CATSPERD: variants seen among roughly 807,000 people sequenced by gnomAD.
The protein encoded by CATSPERD is cation channel sperm-associated auxiliary subunit delta.
A neutral mutation model predicts 98.1 loss-of-function variants in CATSPERD; 86 were observed. The ratio of observed to expected loss-of-function variants is 0.88; its 90% CI spans 0.74 to 1.05. CATSPERD has a LOEUF of 1.05. Among genes scored for constraint, CATSPERD ranks in the 50% least tolerant of loss-of-function variants. The probability of loss-of-function intolerance (pLI) is 0.00; values close to 1 mark genes in which losing one functional copy is unlikely to be tolerated. For synonymous variants in CATSPERD, 394 were observed against 390.2 expected (o/e 1.01, Z -0.12); for missense variants, 995 against 1,005.7 (o/e 0.99, Z 0.14).
In CATSPERD at chr19:5,770,909, C is replaced by T. The variant is rs147196086; in HGVS notation, c.1635-35C>T. 12,094 of 1,572,550 alleles carry T rather than the reference C, an allele frequency of 7.7e-3. 62 individuals carry two copies. The highest frequency in any genetic ancestry group is 9.6e-3 in the Non-Finnish European group (11,203 of 1,161,432). The stretch of plus-strand genomic sequence containing the variant: ...GGTTGGCAGACTGGGCAGGAACTCA[C>T]AGACTCCCCATCTCTGCTTCTTGGT... On this transcript the variant is annotated intron_variant, in intron 18 of 21. Transcript: ENST00000381624.
intron 20 of CATSPERD, among the ~76,000 whole-genome samples, chr19:5,774,293 C>G (rs1415467138): frequency 6.6e-6 from 1 of 151,932 alleles, no homozygotes; most frequent in Non-Finnish European, 1.5e-5. Context: ...TATATGCATT[C>G]TTCATATGGG....
chr19:5,774,431 G>A (rs997134104), intron 20 of CATSPERD, among the ~76,000 whole-genome samples: 41 of 151,482 alleles, frequency 2.7e-4, no homozygotes, highest in Non-Finnish European at 3.5e-4. Context: ...AGTGGCTCAC[G>A]CCTGTAATCC....
At chr19:5,753,996 C>T in intron 12 of CATSPERD, 136 bp from the exon 13 acceptor site, 1 of 674,246 alleles carries the variant, frequency 1.5e-6, no homozygotes, top group Non-Finnish European at 2.7e-6. Flanking sequence ...AATACAGAGT[C>T]TAGTGGGGAA....
intron 18 of CATSPERD, among the ~76,000 whole-genome samples, chr19:5,769,425 T>C (rs1437642095): frequency 6.6e-6 from 1 of 151,896 alleles, no homozygotes; most frequent in Non-Finnish European, 1.5e-5. Context: ...AAGCCATTCA[T>C]AGCTCTGCCG....
intron 18 of CATSPERD, 26 bp downstream of exon 18, chr19:5,768,268 C>G (rs746325330): frequency 1.2e-6 from 2 of 1,603,482 alleles, no homozygotes; most frequent in Middle Eastern, 1.7e-4. Flanking sequence ...CCCGCAACAC[C>G]TGACACCCAA....
Position 5,733,432 on chromosome 19 carries a change from C to CCTTT in CATSPERD, c.277-409_277-406dup, listed in dbSNP as rs58636983. ...CTCCTTCCTTCCTTCCTTCCTTCCT[C>CCTTT]CTTTCTTTCTTTCTTTCTCTCTCTC... On this transcript the variant is annotated intron_variant, in intron 4 of 21. Transcript: ENST00000381624. Among the ~76,000 whole-genome samples, 36 of 144,798 alleles carry CCTTT rather than the reference C, an allele frequency of 2.5e-4. No homozygotes were observed. In the South Asian group the frequency reaches 2.8e-3, roughly 11 times the overall value. The allele number at this position is 144,798 out of a possible 152,430, so 95.0% of individuals were successfully genotyped here. A position where few individuals can be genotyped will look rare whatever the true frequency, so the allele number is the denominator to read the frequency against.
intron 10 of CATSPERD, among the ~76,000 whole-genome samples, chr19:5,748,546 G>A (rs1362125297): frequency 6.7e-6 from 1 of 148,910 alleles, no homozygotes; most frequent in African/African-American, 2.5e-5. Context: ...CAGGAGAATC[G>A]CTGGAACCCG....
chr19:5,741,888 G>A (rs1599536471), intron 7 of CATSPERD, among the ~76,000 whole-genome samples: 5 of 146,024 alleles, frequency 3.4e-5, no homozygotes, highest in African/African-American at 7.6e-5. Context: ...AAAATTAGCT[G>A]GGTGTGGCGG....
chr19:5,762,313 C>G (rs2056456669), intron 15 of CATSPERD, among the ~76,000 whole-genome samples: 1 of 151,602 alleles, frequency 6.6e-6, no homozygotes, highest in Admixed American at 6.6e-5. Flanking sequence ...ATCTGCCCAC[C>G]TCGGCCTCCC....
intron 10 of CATSPERD, 101 bp downstream of exon 10, chr19:5,748,356 C>T (rs1260158164): frequency 5.5e-6 from 6 of 1,088,086 alleles, no homozygotes; most frequent in African/African-American, 1.6e-5. Context: ...ATCAGCTGGG[C>T]GCGGTGGCTC....
chr19:5,731,560 G>GTTTTGTT (rs2055718918), intron 4 of CATSPERD, among the ~76,000 whole-genome samples: 2 of 75,724 alleles, frequency 2.6e-5, no homozygotes, highest in Non-Finnish European at 4.8e-5. Context: ...ACACTTAACA[G>GTTTTGTT]TTTTTTTTTT....
chr19:5,761,647 G>T (rs1270117420), intron 15 of CATSPERD, among the ~76,000 whole-genome samples: 1 of 9,622 alleles, frequency 1.0e-4, no homozygotes, highest in African/African-American at 2.6e-4. Context: ...GTCTTCTCAT[G>T]GCGGCAGAAG....
In CATSPERD at chr19:5,741,789, G is replaced by A. The variant is rs1283264089; in HGVS notation, c.573+2350G>A. The stretch of plus-strand genomic sequence containing the variant: ...AGCACTTTGGGATGCTGAAGGCGGG[G>A]GGGGGGGGGTGGTGTGGATCACTTG... On this transcript the variant is annotated intron_variant, in intron 7 of 21. Transcript: ENST00000381624. 3.9e-5 allele frequency among the ~76,000 whole-genome samples: 4 copies of A among 101,646 alleles called. 1 individual carries two copies. The allele number at this position is 101,646 out of a possible 152,430, so 66.7% of individuals were successfully genotyped here.
At chr19:5,757,294 CTTCTT>C (rs1268067744) in intron 13 of CATSPERD, among the ~76,000 whole-genome samples, 4 of 98,892 alleles carry the variant, frequency 4.0e-5, no homozygotes, top group South Asian at 4.2e-4. Context: ...GCATTTTCAA[CTTCTT>C]TTTTTTTTTT....
At chr19:5,762,041 C>CATATATATATGTAT (rs1555725314) in intron 15 of CATSPERD, among the ~76,000 whole-genome samples, 13 of 23,254 alleles carry the variant, frequency 5.6e-4, no homozygotes, top group African/African-American at 1.7e-3. Flanking sequence ...CCTGGCCTGC[C>CATATATATATGTAT]ATATATATAT....
chr19:5,738,352 CAAAAAAAA>C (rs767298084), intron 6 of CATSPERD, among the ~76,000 whole-genome samples: 3,885 of 104,958 alleles, frequency 0.037, 95 homozygotes, highest in East Asian at 0.061. Context: ...ACTCAAAATA[CAAAAAAAA>C]AAAAAAAAAA....
chr19:5,732,558 G>A (rs902029899), intron 4 of CATSPERD, among the ~76,000 whole-genome samples: 1 of 151,016 alleles, frequency 6.6e-6, no homozygotes, highest in African/African-American at 2.4e-5. Flanking sequence ...TCAGCCTCCC[G>A]AGTAGCTGGG....
At chr19:5,768,717 T>A (rs1389317829) in intron 18 of CATSPERD, among the ~76,000 whole-genome samples, 1 of 152,124 alleles carries the variant, frequency 6.6e-6, no homozygotes, top group Non-Finnish European at 1.5e-5. Context: ...CACCACAGCC[T>A]CGACCTCCTG....
At chr19:5,750,343 C>T (rs538134400) in intron 11 of CATSPERD, among the ~76,000 whole-genome samples, 16 of 135,464 alleles carry the variant, frequency 1.2e-4, no homozygotes, top group African/African-American at 3.5e-4. Flanking sequence ...CCCAGCTACT[C>T]GGGAGGCTGA....
Sources: allele counts gnomAD v4.1 joint callset (sites outside exome capture counted in the v4.1 genomes callset), GRCh38; gene constraint gnomAD v4.1.1; transcripts MANE v1.5; gene names NCBI Gene and HGNC (gene_info 2026-07-23, HGNC 2026-07-21).